Variants in GPATCH2 observed in about 807,000 individuals in gnomAD.
GPATCH2 encodes G patch domain-containing protein 2.
In GPATCH2, 51 loss-of-function variants were observed where a neutral mutation model predicts 58.0. That is an observed-to-expected ratio of 0.88 (90% confidence interval 0.70 to 1.11). The LOEUF (loss-of-function observed/expected upper bound fraction) is 1.11, where lower values mean the gene tolerates loss of function less well. GPATCH2 is among the 50% of genes most tolerant of loss of function. The probability of loss-of-function intolerance (pLI) is 0.00; values close to 1 mark genes in which losing one functional copy is unlikely to be tolerated. For missense variants in GPATCH2, 625 were observed against 652.2 expected, an observed-to-expected ratio of 0.96 and a Z score of 0.45; for synonymous variants, 222 against 218.5, an observed-to-expected ratio of 1.02 and a Z score of -0.14.
chr1:217,551,731 T>C (rs989101534), intron 5 of GPATCH2, among the ~76,000 whole-genome samples: 5 of 152,160 alleles, frequency 3.3e-5, no homozygotes, highest in African/African-American at 1.2e-4. Context: ...AAGCAATTTA[T>C]ATCCATTAAC....
intron 8 of GPATCH2, among the ~76,000 whole-genome samples, chr1:217,472,139 T>C (rs887405590): frequency 1.4e-4 from 21 of 152,096 alleles, no homozygotes; most frequent in Admixed American, 9.8e-4. Flanking sequence ...ATCTAAACAA[T>C]TGAATAAAGC....
chr1:217,586,587 G>A (rs566734297), intron 5 of GPATCH2, among the ~76,000 whole-genome samples: 3 of 152,084 alleles, frequency 2.0e-5, no homozygotes, highest in South Asian at 4.1e-4. Context: ...GCTGTTTTAC[G>A]GTTACATTTT....
Position 217,430,864 on chromosome 1 carries a change from C to A in GPATCH2, c.*281G>T, listed in dbSNP as rs887398005. ...AGCAAAGCATCGGAAAGTATTGACA[C>A]ATGAGACTAAAATAAATAAGAGAAA... is the stretch of plus-strand genomic sequence containing the variant. On this transcript the variant is annotated 3_prime_UTR_variant, in exon 10 of 10. Transcript: ENST00000366935. 1.3e-5 allele frequency: 6 copies of A among 458,146 alleles called. No individual in the cohort carries two copies. In the Admixed American group the frequency reaches 2.3e-4, roughly 17 times the overall value. The allele number at this position is 458,146 out of a possible 1,614,324, so 28.4% of individuals were successfully genotyped here.
At chr1:217,506,621 A>G (rs1432601859) in intron 6 of GPATCH2, among the ~76,000 whole-genome samples, 1 of 152,172 alleles carries the variant, frequency 6.6e-6, no homozygotes, top group Non-Finnish European at 1.5e-5. Flanking sequence ...AACAATAAAT[A>G]AGCAAAAGCA....
intron 5 of GPATCH2, among the ~76,000 whole-genome samples, chr1:217,606,582 A>C (rs572387008): frequency 4.6e-4 from 70 of 152,144 alleles, no homozygotes; most frequent in Non-Finnish European, 8.2e-4. Flanking sequence ...CTCTACTAAA[A>C]ATATAAAAAT....
Position 217,581,946 on chromosome 1 carries a change from G to A in GPATCH2, c.1098+28375C>T, listed in dbSNP as rs921694082. On this transcript the variant is annotated intron_variant, in intron 5 of 9. Transcript: ENST00000366935. The stretch of plus-strand genomic sequence containing the variant: ...AGCCTGGGTGACAGAGCAAGACTCC[G>A]TCTGGGGGGAAGAAAAGAAGTTTAT... 2.7e-5 allele frequency among the ~76,000 whole-genome samples: 4 copies of A among 150,728 alleles called. No homozygotes were observed. In the South Asian group the frequency reaches 6.2e-4, roughly 23 times the overall value.
At position 217,610,325 on chromosome 1, in the gene GPATCH2, G is replaced by A; in HGVS notation, c.1094C>T (p.Ser365Leu). 6.4e-7 allele frequency: 1 copy of A among 1,572,730 alleles called. No homozygotes were observed. The highest frequency in any genetic ancestry group is 1.1e-5 in the South Asian group (1 of 89,746). ...ACACAGAAAAAGTATGCCTACCATT[G>A]AAGTTGGAGTCCCTCCAGATTTTTT... Reference protein sequence around the residue: ...NIKKSGGTPTSMVPIPGPVGN... With the variant: ...NIKKSGGTPTLMVPIPGPVGN... Residue 365 changes from serine to leucine, a missense_variant, in exon 5 of 10, where the codon TCA becomes TTA. Coordinates refer to ENST00000366935, the MANE Select transcript of GPATCH2 (RefSeq NM_018040.5).
chr1:217,442,145 T>C (rs12086545), intron 9 of GPATCH2, among the ~76,000 whole-genome samples: 36,108 of 152,082 alleles, frequency 0.24, 5,650 homozygotes, highest in African/African-American at 0.45. Flanking sequence ...ATATGCACCA[T>C]GGAATACTAT....
chr1:217,495,670 T>C (rs1290839438), intron 7 of GPATCH2, among the ~76,000 whole-genome samples: 1 of 152,222 alleles, frequency 6.6e-6, no homozygotes, highest in Non-Finnish European at 1.5e-5. Context: ...TAGTGCCTTC[T>C]CTATGGTTTT....
chr1:217,579,619 T>C (rs1666965200), intron 5 of GPATCH2, among the ~76,000 whole-genome samples: 1 of 152,178 alleles, frequency 6.6e-6, no homozygotes, highest in African/African-American at 2.4e-5. Flanking sequence ...AACCTATAGA[T>C]GAATGCCAAA....
At chr1:217,460,233 AT>A (rs535560292) in intron 8 of GPATCH2, among the ~76,000 whole-genome samples, 8 of 152,214 alleles carry the variant, frequency 5.3e-5, no homozygotes, top group African/African-American at 9.6e-5. Flanking sequence ...AAGTTAAGTT[AT>A]TGTATTTGTA....
At position 217,614,202 on chromosome 1, in the gene GPATCH2, A is replaced by C; in HGVS notation, c.774T>G (p.Ser258Arg). 2 of 1,543,876 alleles carry C rather than the reference A, an allele frequency of 1.3e-6. No homozygotes were observed. The highest frequency in any genetic ancestry group is 1.8e-6 in the Non-Finnish European group (2 of 1,118,612). ...CAGTGCTGCTGAGACTGCTGGAATC[A>C]CTGTAATAAGGAAAAAGAAAGAAAC... ...QKVSDELMSE[S>R]DSSSLSSTDA... The change falls in exon 3 of 10, where the codon AGT (serine) becomes AGG (arginine). Residue 258 changes from serine (S) to arginine (R), a missense_variant and splice_region_variant. Ser to Arg is a moderately radical substitution (Grantham distance 110). Transcript: ENST00000366935.
At chr1:217,479,086 C>T (rs1661099266) in intron 8 of GPATCH2, among the ~76,000 whole-genome samples, 1 of 152,002 alleles carries the variant, frequency 6.6e-6, no homozygotes, top group Non-Finnish European at 1.5e-5. Context: ...CAAACAAAAC[C>T]TGAGGGATTT....
chr1:217,519,096 T>C (rs1441326268), intron 5 of GPATCH2, among the ~76,000 whole-genome samples: 3 of 152,244 alleles, frequency 2.0e-5, no homozygotes, highest in African/African-American at 4.8e-5. Flanking sequence ...TTCATTTTAA[T>C]TAATAGACAT....
chr1:217,519,263 G>T (rs1663328685), intron 5 of GPATCH2, among the ~76,000 whole-genome samples: 1 of 152,120 alleles, frequency 6.6e-6, no homozygotes, highest in Non-Finnish European at 1.5e-5. Context: ...ATATTTCATT[G>T]TGTATCTATT....
intron 9 of GPATCH2, among the ~76,000 whole-genome samples, chr1:217,432,396 A>G (rs921045185): frequency 2.0e-5 from 3 of 152,142 alleles, no homozygotes; most frequent in African/African-American, 7.2e-5. Flanking sequence ...CTAGGGAAAA[A>G]CTCAGAAGTA....
In GPATCH2 at chr1:217,630,929, C is replaced by T. The variant is rs1193755728; in HGVS notation, c.43G>A (p.Ala15Thr). Residue 15 changes from alanine to threonine, a missense_variant, in exon 1 of 10, where the codon GCC becomes ACC. Ala to Thr is a moderately conservative substitution (Grantham distance 58, BLOSUM62 0). Coordinates refer to ENST00000366935, the MANE Select transcript of GPATCH2 (RefSeq NM_018040.5). Reference protein sequence around the residue: ...AGRQPIGAPAAGNSWHFSRTM... With the variant: ...AGRQPIGAPATGNSWHFSRTM... ...CGCCAGCCTCACCAGCTGTTCCCGG[C>T]TGCTGGAGCTCCGATCGGTTGGCGC... 1.4e-5 allele frequency: 23 copies of T among 1,590,174 alleles called. No homozygotes were observed. The highest frequency in any genetic ancestry group is 1.7e-5 in the Non-Finnish European group (20 of 1,173,376).
chr1:217,498,285 C>T (rs1662109646), intron 7 of GPATCH2, 71 bp downstream of exon 7: 5 of 1,140,414 alleles, frequency 4.4e-6, no homozygotes, highest in African/African-American at 3.0e-5. Context: ...CTGATCTACT[C>T]TCCTGAAGGG....
At chr1:217,560,705 T>C (rs1443306697) in intron 5 of GPATCH2, among the ~76,000 whole-genome samples, 1 of 152,192 alleles carries the variant, frequency 6.6e-6, no homozygotes, top group East Asian at 1.9e-4. Flanking sequence ...CCAGGTTAAT[T>C]CTTTGCTGTG....
Sources: allele counts gnomAD v4.1 joint callset (sites outside exome capture counted in the v4.1 genomes callset), GRCh38; gene constraint gnomAD v4.1.1; transcripts MANE v1.5; gene names NCBI Gene and HGNC (gene_info 2026-07-23, HGNC 2026-07-21).